The following RGS3 variants were observed in gnomAD, a reference collection of about 807,000 sequenced individuals.
RGS3 encodes the protein regulator of G protein signaling 3.
RGS3 carries 80 observed loss-of-function variants against 132.6 expected under a neutral mutation model. That is an observed-to-expected ratio of 0.60 (90% CI 0.50 to 0.73). The LOEUF is 0.73. RGS3 is among the 30% of genes least tolerant of loss of function. The pLI is 0.00. For synonymous variants in RGS3, 598 were observed against 620.6 expected (o/e 0.96, Z 0.54); for missense variants, 1,382 against 1,530.8 (o/e 0.90, Z 1.62).
chr9:113,497,496 C>A, intron 9 of RGS3, 92 bp downstream of exon 7: 2 of 1,051,982 alleles, frequency 1.9e-6, no homozygotes, highest in Non-Finnish European at 2.8e-6. Context: ...TTTGGTGGCC[C>A]CTGCTACTGA....
chr9:113,501,677 A>C (rs1224009851), intron 10 of RGS3: 1 of 1,515,570 alleles, frequency 6.6e-7, no homozygotes, highest in African/African-American at 1.4e-5. Flanking sequence ...GTTCAGGGAT[A>C]GGGGTAGAGG....
In RGS3 at chr9:113,594,428, A is replaced by G; in HGVS notation, c.3081-2A>G. On this transcript the variant is annotated splice_acceptor_variant, in intron 21 of 24. Transcript: ENST00000350696. LOFTEE classifies it high-confidence loss of function. Reference sequence around the variant, plus strand: ...AACCCTCTTTTCTGCTTCTGTCCCCAGAGCCAAGGACATGAAGAACAAGCT... The same window carrying G: ...AACCCTCTTTTCTGCTTCTGTCCCCGGAGCCAAGGACATGAAGAACAAGCT... 6.2e-7 allele frequency: 1 copy of G among 1,613,590 alleles called. No homozygotes were observed. Among genetic ancestry groups the G allele is most frequent in the Non-Finnish European group, 8.5e-7 (1 of 1,179,932 alleles).
chr9:113,594,582 C>T (rs770717041), intron 22 of RGS3, 51 bp downstream of exon 20: 10 of 1,403,252 alleles, frequency 7.1e-6, no homozygotes, highest in East Asian at 6.8e-5. Flanking sequence ...ACTGGCTCCC[C>T]GGGGAGTAGG....
intron 1 of RGS3, among the ~76,000 whole-genome samples, chr9:113,452,916 A>C (rs1488429957): frequency 1.5e-5 from 2 of 136,992 alleles, no homozygotes; most frequent in Non-Finnish European, 3.1e-5. Context: ...TATATTATAT[A>C]TTTATATATA....
intron 19 of RGS3, chr9:113,581,779 G>A (rs1834825603): frequency 6.6e-6 from 1 of 152,436 alleles, no homozygotes; most frequent in African/African-American, 2.4e-5. Flanking sequence ...TTCAGAGTCT[G>A]AGGCTATGAG....
intron 19 of RGS3, among the ~76,000 whole-genome samples, chr9:113,575,878 G>A (rs969081440): frequency 2.6e-5 from 4 of 152,106 alleles, no homozygotes; most frequent in Non-Finnish European, 1.5e-5. Context: ...AGTCTAGGTC[G>A]GTGTTTTTCA....
chr9:113,563,810 A>T (rs2118834348), intron 19 of RGS3, among the ~76,000 whole-genome samples: 1 of 152,332 alleles, frequency 6.6e-6, no homozygotes, highest in East Asian at 1.9e-4. Flanking sequence ...AGAGTCAGGA[A>T]TACAGAGTCA....
intron 3 of RGS3, among the ~76,000 whole-genome samples, chr9:113,470,508 GTCT>G (rs1308587978): frequency 2.0e-5 from 3 of 152,134 alleles, no homozygotes; most frequent in Non-Finnish European, 4.4e-5. Context: ...TTGTTATGAA[GTCT>G]TCTTTATTTC....
At chr9:113,453,699 T>C (rs1319232817) in intron 1 of RGS3, among the ~76,000 whole-genome samples, 3 of 58,330 alleles carry the variant, frequency 5.1e-5, no homozygotes, top group East Asian at 1.1e-3. Context: ...TATATGATTA[T>C]ATAATATACT....
At chr9:113,479,384 A>C in intron 3 of RGS3, 107 bp from the exon 2 acceptor site, 1 of 1,144,260 alleles carries the variant, frequency 8.7e-7, no homozygotes, top group Non-Finnish European at 1.3e-6. Context: ...GAGTCTTTGA[A>C]TGGCTTCACA....
chr9:113,511,330 C>T (rs1246259300), intron 14 of RGS3, among the ~76,000 whole-genome samples: 3 of 151,772 alleles, frequency 2.0e-5, no homozygotes, highest in Non-Finnish European at 2.9e-5. Context: ...GACCAGACAT[C>T]GGTAGCAGGT....
chr9:113,447,494 T>C (rs1829140134), intron 1 of RGS3, among the ~76,000 whole-genome samples: 1 of 150,782 alleles, frequency 6.6e-6, no homozygotes, highest in African/African-American at 2.4e-5. Flanking sequence ...ATAAAATTTT[T>C]TGGGGGTCTA....
At chr9:113,526,652 G>T (rs140913249) in intron 17 of RGS3, among the ~76,000 whole-genome samples, 1 of 152,198 alleles carries the variant, frequency 6.6e-6, no homozygotes, top group Non-Finnish European at 1.5e-5. Context: ...TCTCAGATCA[G>T]GTGAGAGAGG....
rs572319500 is a variant in RGS3 at position 113,536,507 on chromosome 9, G to C, written c.1915-289G>C. On this transcript the variant is annotated intron_variant, in intron 18 of 24. Coordinates refer to ENST00000350696, the Ensembl canonical transcript of RGS3. ...GCCTGCCCCTGGGGGTGACCTCATC[G>C]GCTCTGTCCTGCTCTCCACAGGCCT... 4 of 1,093,744 alleles carry C rather than the reference G, an allele frequency of 3.7e-6. No individual in the cohort carries two copies. The East Asian group carries it at 2.6e-4, about 71-fold the overall frequency. The allele number at this position is 1,093,744 out of a possible 1,614,324, so 67.8% of individuals were successfully genotyped here. A position where few individuals can be genotyped will look rare whatever the true frequency, so the allele number is the denominator to read the frequency against.
At chr9:113,491,148 TTATA>T (rs1338238945) in intron 7 of RGS3, among the ~76,000 whole-genome samples, 1 of 144,706 alleles carries the variant, frequency 6.9e-6, no homozygotes, top group East Asian at 2.0e-4. Flanking sequence ...ATATAATTAT[TTATA>T]TATTATATAT....
chr9:113,588,192 G>A (rs1448261669), intron 20 of RGS3, among the ~76,000 whole-genome samples: 2 of 152,206 alleles, frequency 1.3e-5, no homozygotes, highest in Non-Finnish European at 2.9e-5. Context: ...GTTTCACTAA[G>A]CTCCCACGTA....
At chr9:113,484,150 C>T (rs1830250122) in exon 6 of RGS3, 1 of 1,608,162 alleles carries the variant, frequency 6.2e-7, no homozygotes, top group South Asian at 1.1e-5. Flanking sequence ...TTCTTTGATC[C>T]CTGAAGATAG....
chr9:113,560,728 AAGCTCAG>A (rs1833750549), intron 19 of RGS3, among the ~76,000 whole-genome samples: 1 of 152,176 alleles, frequency 6.6e-6, no homozygotes, highest in Non-Finnish European at 1.5e-5. Context: ...CAGGAAGTAA[AAGCTCAG>A]AGCTTTCTAA....
chr9:113,516,655 G>A lies in RGS3; in HGVS notation c.1675-886G>A, dbSNP rs534994839. Among the ~76,000 whole-genome samples the A allele has an allele frequency of 4.6e-5, 7 of 152,200 alleles. No homozygotes were observed. In the South Asian group the frequency reaches 6.2e-4, roughly 14 times the overall value. The stretch of plus-strand genomic sequence containing the variant: ...ATTACAGGCATGAGCCACCACATGC[G>A]GCCTGTGTCTAATTTTCATGTTCAT... On this transcript the variant is annotated intron_variant, in intron 15 of 24. Coordinates refer to ENST00000350696, the Ensembl canonical transcript of RGS3.
Sources: allele counts gnomAD v4.1 joint callset (sites outside exome capture counted in the v4.1 genomes callset), GRCh38; gene constraint gnomAD v4.1.1; transcripts MANE v1.5; gene names NCBI Gene and HGNC (gene_info 2026-07-23, HGNC 2026-07-21).